Variants in CYP39A1 observed in about 807,000 individuals in gnomAD.
CYP39A1 encodes the protein 24-hydroxycholesterol 7-alpha-hydroxylase.
A neutral mutation model predicts 58.1 loss-of-function variants in CYP39A1; 49 were observed. The ratio of observed to expected loss-of-function variants is 0.84; its 90% CI spans 0.67 to 1.07. The LOEUF is 1.07. Ranked by LOEUF, CYP39A1 falls within the 50% of genes least tolerant of loss-of-function variation. CYP39A1 has a pLI of 0.00. For missense variants in CYP39A1, 531 were observed against 539.4 expected (o/e 0.98, Z 0.16); for synonymous variants, 209 against 187.6 (o/e 1.11, Z -0.93).
chr6:46,569,738 T>C (rs776901804), intron 10 of CYP39A1, among the ~76,000 whole-genome samples: 4 of 152,156 alleles, frequency 2.6e-5, no homozygotes, highest in Non-Finnish European at 5.9e-5. Context: ...TCATGGTGTA[T>C]GATCCTTTTA....
intron 10 of CYP39A1, among the ~76,000 whole-genome samples, chr6:46,556,246 C>T (rs1485064839): frequency 6.6e-6 from 1 of 152,204 alleles, no homozygotes; most frequent in Non-Finnish European, 1.5e-5. Flanking sequence ...CGGTTTCCTG[C>T]TTCTGGCAGT....
At chr6:46,565,116 A>G (rs1041115930) in intron 10 of CYP39A1, among the ~76,000 whole-genome samples, 1 of 152,180 alleles carries the variant, frequency 6.6e-6, no homozygotes, top group African/African-American at 2.4e-5. Context: ...GATCTGGGAC[A>G]GGGCCCAGGA....
chr6:46,616,282 T>TCCTTCCTTCCTTCCTTCCTTCCTC (rs1237614250), intron 7 of CYP39A1, among the ~76,000 whole-genome samples: 9 of 116,426 alleles, frequency 7.7e-5, no homozygotes, highest in African/African-American at 3.5e-4. Flanking sequence ...CTTCCTTCCT[T>TCCTTCCTTCCTTCCTTCCTTCCTC]CATCTTGCTC....
rs561828851 is a variant in CYP39A1 at position 46,613,370 on chromosome 6, A to G, written c.931+12048T>C. ...TTTCTCTTTCATCCACAATCACACA[A>G]TTAGTGAGTGACAAGATTGAAATTC... On this transcript the variant is annotated intron_variant, in intron 7 of 11. Coordinates refer to ENST00000275016, the MANE Select transcript of CYP39A1 (RefSeq NM_016593.5). Among the ~76,000 whole-genome samples the G allele has an allele frequency of 3.9e-5, 6 of 152,326 alleles. 1 individual carries two copies. The highest frequency in any genetic ancestry group is 3.9e-4 in the Admixed American group (6 of 15,298).
At chr6:46,632,040 A>C (rs1468829030) in intron 5 of CYP39A1, among the ~76,000 whole-genome samples, 1 of 152,220 alleles carries the variant, frequency 6.6e-6, no homozygotes. Context: ...TTTTAAGTGT[A>C]TTGCAAGTAT....
chr6:46,571,168 A>G (rs1436684485), intron 10 of CYP39A1, among the ~76,000 whole-genome samples: 1 of 152,154 alleles, frequency 6.6e-6, no homozygotes, highest in African/African-American at 2.4e-5. Context: ...AGCACTAGAC[A>G]TAGGTGCTTG....
At chr6:46,579,838 A>C (rs1219701162) in intron 10 of CYP39A1, among the ~76,000 whole-genome samples, 2 of 152,206 alleles carry the variant, frequency 1.3e-5, no homozygotes, top group East Asian at 3.9e-4. Context: ...AAAAACACCA[A>C]GGAAAGAAAT....
At chr6:46,618,604 T>C (rs145344169) in intron 7 of CYP39A1, among the ~76,000 whole-genome samples, 40 of 152,212 alleles carry the variant, frequency 2.6e-4, no homozygotes, top group Middle Eastern at 3.4e-3. Context: ...TTAACATTAT[T>C]TACCATTCAT....
chr6:46,624,460 C>T (rs997211853), intron 7 of CYP39A1, among the ~76,000 whole-genome samples: 1 of 152,112 alleles, frequency 6.6e-6, no homozygotes, highest in Non-Finnish European at 1.5e-5. Context: ...TCTATAAGGT[C>T]CAGCATCTGC....
At chr6:46,621,592 C>T (rs966333493) in intron 7 of CYP39A1, among the ~76,000 whole-genome samples, 18 of 151,990 alleles carry the variant, frequency 1.2e-4, no homozygotes, top group South Asian at 4.1e-4. Flanking sequence ...CCTAAAAAGA[C>T]ATAAAGTATA....
chr6:46,583,575 T>C, intron 10 of CYP39A1: 1 of 985,402 alleles, frequency 1.0e-6, no homozygotes. Flanking sequence ...CTTTCCTGTT[T>C]GTTTTTCTGA....
intron 8 of CYP39A1, among the ~76,000 whole-genome samples, chr6:46,589,537 C>A (rs921581451): frequency 2.6e-5 from 4 of 151,978 alleles, no homozygotes; most frequent in Non-Finnish European, 5.9e-5. Flanking sequence ...CCCAGGAGAA[C>A]CCCTGTTGGC....
At chr6:46,568,050 C>G (rs192909257) in intron 10 of CYP39A1, among the ~76,000 whole-genome samples, 1 of 151,926 alleles carries the variant, frequency 6.6e-6, no homozygotes, top group African/African-American at 2.4e-5. Flanking sequence ...CTTCTTGACT[C>G]ATTTTAGTTG....
rs1388670388 is a variant in CYP39A1, at chr6:46,586,336, C to T, written c.1250+741G>A. 3.0e-6 allele frequency: 3 copies of T among 984,018 alleles called. No homozygotes were observed. The African/African-American group carries it at 5.2e-5, about 17-fold the overall frequency. 61.0% of individuals were successfully genotyped at this position (984,018 alleles called of 1,614,324 possible). On this transcript the variant is annotated intron_variant, in intron 10 of 11. Coordinates refer to ENST00000275016, the MANE Select transcript of CYP39A1 (RefSeq NM_016593.5). Reference sequence around the variant, plus strand: ...AGTGAGATTTTGTCATAAACAGGTACTGACATTTCCCCTACAGAATCATCC... The same window carrying T: ...AGTGAGATTTTGTCATAAACAGGTATTGACATTTCCCCTACAGAATCATCC...
intron 5 of CYP39A1, among the ~76,000 whole-genome samples, chr6:46,634,407 C>A (rs1775838777): frequency 6.6e-6 from 1 of 151,886 alleles, no homozygotes; most frequent in Non-Finnish European, 1.5e-5. Context: ...CGGACTAATA[C>A]AAATAGGGAG....
intron 7 of CYP39A1, among the ~76,000 whole-genome samples, chr6:46,614,450 T>A (rs1184956680): frequency 2.0e-5 from 3 of 152,230 alleles, no homozygotes; most frequent in Admixed American, 6.5e-5. Context: ...AGTTCTCTTT[T>A]CACCTGACTT....
rs994677167 is a variant in CYP39A1, at chr6:46,652,713, G to C, written c.-131C>G. 3 of 791,862 alleles carry C rather than the reference G, an allele frequency of 3.8e-6. No individual in the cohort carries two copies. The highest frequency in any genetic ancestry group is 2.7e-4 in the Middle Eastern group (1 of 3,664). The allele number at this position is 791,862 out of a possible 1,614,324, so 49.1% of individuals were successfully genotyped here. Reference sequence around the variant, plus strand: ...GCTGCAACTTTTGCAGCTCTCCTTCGTAACTGTAGCTTCCTTCCTCTGTCC... The same window carrying C: ...GCTGCAACTTTTGCAGCTCTCCTTCCTAACTGTAGCTTCCTTCCTCTGTCC... On this transcript the variant is annotated 5_prime_UTR_variant, in exon 1 of 12. Transcript: ENST00000275016.
rs550093258 is a variant in CYP39A1, at chr6:46,583,326, C to G, written c.1250+3751G>C. 7.1e-6 allele frequency: 7 copies of G among 985,306 alleles called. No homozygotes were observed. The African/African-American group carries it at 1.2e-4, about 17-fold the overall frequency. The allele number at this position is 985,306 out of a possible 1,614,324, so 61.0% of individuals were successfully genotyped here. ...GGCATCCTCTTGCAGGAATTAGAAC[C>G]AAGGAAAATCAAGCTTGTTGGTTTT... On this transcript the variant is annotated intron_variant, in intron 10 of 11. Coordinates refer to ENST00000275016, the MANE Select transcript of CYP39A1 (RefSeq NM_016593.5).
At position 46,568,596 on chromosome 6, in the gene CYP39A1, C is replaced by A. The variant is rs568508922; in HGVS notation, c.1251-14742G>T. ...TAGGTTATAAGAGTCCAACTTCATTCTTTTGCATGTAAATATTTAGTTGTC... is the reference window on the plus strand; with the variant it reads ...TAGGTTATAAGAGTCCAACTTCATTATTTTGCATGTAAATATTTAGTTGTC... On this transcript the variant is annotated intron_variant, in intron 10 of 11. Coordinates refer to ENST00000275016, the MANE Select transcript of CYP39A1 (RefSeq NM_016593.5). Among the ~76,000 whole-genome samples, 18 of 152,154 alleles carry A rather than the reference C, an allele frequency of 1.2e-4. No individual in the cohort carries two copies. In the South Asian group the frequency reaches 3.5e-3, roughly 30 times the overall value.
Sources: allele counts gnomAD v4.1 joint callset (sites outside exome capture counted in the v4.1 genomes callset), GRCh38; gene constraint gnomAD v4.1.1; transcripts MANE v1.5; gene names NCBI Gene and HGNC (gene_info 2026-07-23, HGNC 2026-07-21).